The following PAM variants were observed in gnomAD, a reference collection of about 807,000 sequenced individuals.
PAM encodes the protein peptidylglycine alpha-amidating monooxygenase.
Under a neutral mutation model 122.1 loss-of-function variants are expected in PAM, and 72 were observed. That is an observed-to-expected ratio of 0.59 (90% CI 0.49 to 0.72). PAM has a LOEUF of 0.72. PAM is among the 30% of genes least tolerant of loss of function. PAM has a pLI of 0.00. For missense variants in PAM, 1,106 were observed against 1,183.7 expected, an observed-to-expected ratio of 0.93 and a Z score of 0.96; for synonymous variants, 389 against 404.4, an observed-to-expected ratio of 0.96 and a Z score of 0.46.
At chr5:102,910,063 G>T (rs1432285138) in intron 4 of PAM, among the ~76,000 whole-genome samples, 1 of 151,918 alleles carries the variant, frequency 6.6e-6, no homozygotes, top group East Asian at 2.0e-4. Context: ...GGTTATGTGT[G>T]TTCTTCAGAA....
At chr5:102,931,726 C>G (rs1391417973) in intron 7 of PAM, among the ~76,000 whole-genome samples, 1 of 152,038 alleles carries the variant, frequency 6.6e-6, no homozygotes, top group East Asian at 1.9e-4. Context: ...GTCAAGACTT[C>G]CAAACTATAA....
intron 3 of PAM, among the ~76,000 whole-genome samples, chr5:102,882,047 C>A (rs1344813675): frequency 1.1e-5 from 1 of 93,680 alleles, no homozygotes; most frequent in Non-Finnish European, 2.1e-5. Flanking sequence ...AGTATTCCAT[C>A]GTGGAATATA....
chr5:102,904,981 CTG>C (rs1450751450), intron 4 of PAM, among the ~76,000 whole-genome samples: 2 of 151,508 alleles, frequency 1.3e-5, no homozygotes, highest in African/African-American at 4.8e-5. Flanking sequence ...GTCTATATAT[CTG>C]TATTTAATTA....
chr5:102,767,795 T>G (rs775350854), intron 1 of PAM, among the ~76,000 whole-genome samples: 111 of 152,266 alleles, frequency 7.3e-4, no homozygotes, highest in Non-Finnish European at 1.2e-3. Flanking sequence ...GTAGAAAAAA[T>G]TAAGGAAGAA....
At chr5:102,761,930 T>G (rs1386346222) in intron 1 of PAM, among the ~76,000 whole-genome samples, 3 of 152,222 alleles carry the variant, frequency 2.0e-5, no homozygotes, top group Non-Finnish European at 2.9e-5. Context: ...AGACATTCCT[T>G]TCAAATTCAG....
chr5:102,945,560 T>C (rs1380837445), intron 7 of PAM, among the ~76,000 whole-genome samples: 2 of 152,060 alleles, frequency 1.3e-5, no homozygotes, highest in Non-Finnish European at 2.9e-5. Context: ...TTTTAGTTTT[T>C]TGATTCACGA....
chr5:102,947,954 A>G (rs1339512458), intron 8 of PAM, among the ~76,000 whole-genome samples: 1 of 152,164 alleles, frequency 6.6e-6, no homozygotes, highest in African/African-American at 2.4e-5. Flanking sequence ...CTTGAGTCCA[A>G]AGGCAATTCA....
intron 3 of PAM, among the ~76,000 whole-genome samples, chr5:102,879,269 A>G (rs1033715275): frequency 1.3e-5 from 2 of 152,150 alleles, no homozygotes; most frequent in Non-Finnish European, 2.9e-5. Context: ...GGCCTAATGT[A>G]CAGTGTTTAT....
At chr5:102,968,700 T>C (rs1462281334) in intron 14 of PAM, among the ~76,000 whole-genome samples, 4 of 152,170 alleles carry the variant, frequency 2.6e-5, no homozygotes, top group East Asian at 1.9e-4. Context: ...ATGGTCACCT[T>C]AGCAGGGAGT....
In PAM at chr5:103,012,582, C is replaced by T. The variant is rs550151558; in HGVS notation, c.2331+2716C>T. ...AAAAATGAGTTCACTGGGCCAGGCG[C>T]GGTGGCTCACGCCTGTAATCCCAGC... On this transcript the variant is annotated intron_variant, in intron 21 of 25. Transcript: ENST00000438793. Among the ~76,000 whole-genome samples, 8 of 152,146 alleles carry T rather than the reference C, an allele frequency of 5.3e-5. No individual in the cohort carries two copies. In the East Asian group the frequency reaches 5.8e-4, roughly 11 times the overall value.
chr5:102,801,590 C>T (rs941999075), intron 1 of PAM, among the ~76,000 whole-genome samples: 1 of 152,100 alleles, frequency 6.6e-6, no homozygotes, highest in African/African-American at 2.4e-5. Flanking sequence ...CCTTCAGAAG[C>T]GTTATAACCC....
At chr5:102,866,948 G>A (rs1338625554) in intron 2 of PAM, among the ~76,000 whole-genome samples, 1 of 152,028 alleles carries the variant, frequency 6.6e-6, no homozygotes, top group Non-Finnish European at 1.5e-5. Context: ...ACTTGAAACA[G>A]ATATATGTTT....
At chr5:103,012,142 C>A (rs1339244704) in intron 21 of PAM, among the ~76,000 whole-genome samples, 3 of 152,026 alleles carry the variant, frequency 2.0e-5, no homozygotes, top group African/African-American at 7.2e-5. Flanking sequence ...TGTTTGAGCT[C>A]CTTATATATT....
chr5:102,985,737 A>G (rs975272738), intron 15 of PAM, among the ~76,000 whole-genome samples: 4 of 152,212 alleles, frequency 2.6e-5, no homozygotes, highest in African/African-American at 7.2e-5. Context: ...TTCTTAATTT[A>G]TTCTATGAAA....
chr5:102,926,966 G>A (rs921097509), intron 7 of PAM, among the ~76,000 whole-genome samples: 39 of 152,098 alleles, frequency 2.6e-4, no homozygotes, highest in African/African-American at 8.7e-4. Context: ...TAGGAGTGCG[G>A]ATCATTCCAA....
intron 7 of PAM, among the ~76,000 whole-genome samples, chr5:102,929,404 A>G (rs1293499345): frequency 1.3e-5 from 2 of 152,234 alleles, no homozygotes; most frequent in Non-Finnish European, 2.9e-5. Context: ...TATTATATAT[A>G]TAAACAAACA....
chr5:103,005,974 C>T (rs1242490810), intron 18 of PAM, among the ~76,000 whole-genome samples: 1 of 151,926 alleles, frequency 6.6e-6, no homozygotes, highest in Non-Finnish European at 1.5e-5. Flanking sequence ...TCACTCTGTC[C>T]CTCAGGCTGG....
intron 4 of PAM, among the ~76,000 whole-genome samples, chr5:102,905,431 T>C (rs1367255963): frequency 6.6e-6 from 1 of 151,780 alleles, no homozygotes; most frequent in Non-Finnish European, 1.5e-5. Context: ...TTTTTCATTT[T>C]CTTGGGCTTC....
chr5:102,917,259 G>A (rs1745757006), intron 5 of PAM, among the ~76,000 whole-genome samples: 1 of 152,068 alleles, frequency 6.6e-6, no homozygotes, highest in African/African-American at 2.4e-5. Context: ...CCTGTCATCT[G>A]AATTATAGTA....
Sources: gnomAD v4.1 joint callset for allele counts (sites outside exome capture counted in the v4.1 genomes callset) on GRCh38, gnomAD v4.1.1 for gene constraint, MANE v1.5 for transcripts, NCBI Gene and HGNC (gene_info 2026-07-23, HGNC 2026-07-21) for gene names.